The following NTM variants were observed in gnomAD, a reference collection of about 807,000 sequenced individuals.
NTM encodes IgLON family member 2.
A neutral mutation model predicts 42.1 loss-of-function variants in NTM; 13 were observed. That is an observed-to-expected ratio of 0.31 (90% CI 0.20 to 0.49). NTM has a LOEUF of 0.49. Ranked by LOEUF, NTM falls within the 20% of genes least tolerant of loss-of-function variation. NTM has a pLI of 0.99. For synonymous variants in NTM, 187 were observed against 179.2 expected, an observed-to-expected ratio of 1.04 and a Z score of -0.35; for missense variants, 373 against 452.8, an observed-to-expected ratio of 0.82 and a Z score of 1.60.
At chr11:131,404,062 C>T (rs1181130973) in intron 1 of NTM, among the ~76,000 whole-genome samples, 1 of 152,084 alleles carries the variant, frequency 6.6e-6, no homozygotes, top group African/African-American at 2.4e-5. Context: ...ATGGCAACTG[C>T]AACATCAACA....
chr11:132,107,761 C>G (rs2062601964), intron 2 of NTM, among the ~76,000 whole-genome samples: 1 of 152,080 alleles, frequency 6.6e-6, no homozygotes, highest in Non-Finnish European at 1.5e-5. Context: ...TCCTAATGTT[C>G]TTGACTTCCA....
intron 3 of NTM, among the ~76,000 whole-genome samples, chr11:132,207,323 A>G (rs192089170): frequency 1.2e-3 from 187 of 152,254 alleles, no homozygotes; most frequent in African/African-American, 4.2e-3. Flanking sequence ...TGAACTGCCC[A>G]TGCGAGGGAT....
chr11:131,797,013 G>A (rs2091642065), intron 1 of NTM, among the ~76,000 whole-genome samples: 1 of 152,090 alleles, frequency 6.6e-6, no homozygotes, highest in Non-Finnish European at 1.5e-5. Context: ...GCACTTAATT[G>A]TTTAAAGACT....
intron 4 of NTM, among the ~76,000 whole-genome samples, chr11:132,261,846 G>A (rs1343413755): frequency 6.6e-6 from 1 of 152,196 alleles, no homozygotes; most frequent in East Asian, 1.9e-4. Flanking sequence ...ACTAGTCACA[G>A]TGGGGAAACT....
At chr11:131,948,431 C>A (rs2060613666) in intron 2 of NTM, among the ~76,000 whole-genome samples, 1 of 151,540 alleles carries the variant, frequency 6.6e-6, no homozygotes, top group African/African-American at 2.4e-5. Flanking sequence ...CATCCAAAGG[C>A]TTATTTTGGG....
At chr11:132,007,448 C>G (rs2135381177) in intron 2 of NTM, among the ~76,000 whole-genome samples, 1 of 152,308 alleles carries the variant, frequency 6.6e-6, no homozygotes, top group Non-Finnish European at 1.5e-5. Flanking sequence ...TTACGAAGCA[C>G]AGCAACTTGT....
chr11:132,115,792 C>T (rs1408988819), intron 2 of NTM, among the ~76,000 whole-genome samples: 3 of 152,218 alleles, frequency 2.0e-5, no homozygotes, highest in Non-Finnish European at 2.9e-5. Flanking sequence ...TCACTCAAAC[C>T]TTGTAGGAGC....
At chr11:131,764,636 G>A (rs148676299) in intron 1 of NTM, among the ~76,000 whole-genome samples, 5 of 152,292 alleles carry the variant, frequency 3.3e-5, no homozygotes, top group Non-Finnish European at 5.9e-5. Flanking sequence ...ATATAATACA[G>A]TAATGTCTGC....
intron 2 of NTM, among the ~76,000 whole-genome samples, chr11:131,936,960 A>T (rs1366367070): frequency 6.6e-6 from 1 of 152,238 alleles, no homozygotes; most frequent in Non-Finnish European, 1.5e-5. Flanking sequence ...ACTGCTTAGC[A>T]AAGAGTCAAG....
intron 2 of NTM, among the ~76,000 whole-genome samples, chr11:131,947,521 G>A (rs1207195938): frequency 6.6e-6 from 1 of 152,208 alleles, no homozygotes; most frequent in Non-Finnish European, 1.5e-5. Flanking sequence ...AGTGGTTGGT[G>A]TAAGAAGGAA....
chr11:132,071,762 G>A (rs1199889506), intron 2 of NTM, among the ~76,000 whole-genome samples: 1 of 151,720 alleles, frequency 6.6e-6, no homozygotes, highest in East Asian at 1.9e-4. Context: ...TTTTTTTCTG[G>A]AATTAGAGTT....
chr11:131,932,989 C>T (rs902719509), intron 2 of NTM, among the ~76,000 whole-genome samples: 1 of 152,144 alleles, frequency 6.6e-6, no homozygotes, highest in Non-Finnish European at 1.5e-5. Flanking sequence ...GGGAGCAGAG[C>T]CAGGGCTGTG....
At chr11:131,555,441 T>C (rs2055280826) in intron 1 of NTM, among the ~76,000 whole-genome samples, 1 of 152,192 alleles carries the variant, frequency 6.6e-6, no homozygotes, top group South Asian at 2.1e-4. Context: ...AACCCATAAG[T>C]AGTTTCCGGG....
chr11:131,897,438 T>A (rs1290831182), intron 1 of NTM, among the ~76,000 whole-genome samples: 3 of 152,214 alleles, frequency 2.0e-5, no homozygotes, highest in East Asian at 1.9e-4. Context: ...GAGTTAAATG[T>A]CATCACACTC....
At chr11:131,585,390 G>A (rs1252889115) in intron 1 of NTM, among the ~76,000 whole-genome samples, 1 of 152,122 alleles carries the variant, frequency 6.6e-6, no homozygotes, top group East Asian at 1.9e-4. Flanking sequence ...TTGGTGGGAG[G>A]AAGTTCACCA....
chr11:131,955,482 G>T (rs1433668954), intron 2 of NTM, among the ~76,000 whole-genome samples: 1 of 152,178 alleles, frequency 6.6e-6, no homozygotes, highest in African/African-American at 2.4e-5. Context: ...GTTTTTAAAA[G>T]AGTTTAAAAT....
intron 1 of NTM, among the ~76,000 whole-genome samples, chr11:131,449,613 C>A (rs542984129): frequency 1.3e-5 from 2 of 152,346 alleles, no homozygotes; most frequent in South Asian, 4.1e-4. Flanking sequence ...GCGTTCATCT[C>A]TCTCATCAAA....
At chr11:131,608,487 T>C (rs972797588) in intron 1 of NTM, among the ~76,000 whole-genome samples, 3 of 152,240 alleles carry the variant, frequency 2.0e-5, no homozygotes, top group African/African-American at 7.2e-5. Flanking sequence ...AGTTCTTTTT[T>C]TTGGAGCTTT....
intron 3 of NTM, among the ~76,000 whole-genome samples, chr11:132,175,994 T>G (rs1474576657): frequency 6.6e-6 from 1 of 152,174 alleles, no homozygotes; most frequent in African/African-American, 2.4e-5. Context: ...CTAGATTTTT[T>G]GTTTGTTTGT....
Sources: allele counts gnomAD v4.1 joint callset (sites outside exome capture counted in the v4.1 genomes callset), GRCh38; gene constraint gnomAD v4.1.1; transcripts MANE v1.5; gene names NCBI Gene and HGNC (gene_info 2026-07-23, HGNC 2026-07-21).